PLAAT1: variants seen among roughly 807,000 people sequenced by gnomAD.
The protein encoded by PLAAT1 is phospholipase A and acyltransferase 1, also known as H-REV107 protein-related protein.
A neutral mutation model predicts 16.4 loss-of-function variants in PLAAT1; 13 were observed. The observed-to-expected ratio is 0.79, with a 90% confidence interval of 0.52 to 1.26. PLAAT1 has a LOEUF of 1.26. Among genes scored for constraint, PLAAT1 ranks in the 50% most tolerant of loss-of-function variants. PLAAT1 has a pLI of 0.00. For missense variants in PLAAT1, 218 were observed against 207.8 expected (o/e 1.05, Z -0.30); for synonymous variants, 73 against 78.4 (o/e 0.93, Z 0.36).
At chr3:193,281,183 T>A, downstream of PLAAT1, 1 of 985,396 alleles carries the variant, frequency 1.0e-6, no homozygotes, top group African/African-American at 1.7e-5. Context: ...ATTTTTCATT[T>A]ACTTCATGGA....
chr3:193,246,785 C>T (rs941618872), intron 1 of PLAAT1, among the ~76,000 whole-genome samples: 1 of 152,162 alleles, frequency 6.6e-6, no homozygotes, highest in African/African-American at 2.4e-5. Context: ...TGTTAAAGAT[C>T]TTTGCATTTG....
intron 1 of PLAAT1, among the ~76,000 whole-genome samples, chr3:193,245,638 C>A (rs10804950): frequency 2.0e-5 from 3 of 152,164 alleles, no homozygotes; most frequent in Non-Finnish European, 4.4e-5. Context: ...ATGGCTAAAC[C>A]AATTTGCATT....
chr3:193,244,376 A>G (rs1715898281), intron 1 of PLAAT1, among the ~76,000 whole-genome samples: 1 of 152,106 alleles, frequency 6.6e-6, no homozygotes, highest in Non-Finnish European at 1.5e-5. Flanking sequence ...CCAGTTAATG[A>G]CAATGATGAC....
At chr3:193,257,178 C>T (rs1716406774) in intron 2 of PLAAT1, among the ~76,000 whole-genome samples, 1 of 152,128 alleles carries the variant, frequency 6.6e-6, no homozygotes, top group Non-Finnish European at 1.5e-5. Flanking sequence ...ACTGTAACTA[C>T]CTGTTACAGT....
At chr3:193,278,521 C>A (rs529445873), downstream of PLAAT1, among the ~76,000 whole-genome samples, 35 of 152,264 alleles carry the variant, frequency 2.3e-4, no homozygotes, top group African/African-American at 7.9e-4. Context: ...TCTCTGCCAC[C>A]GTACATTCAT....
At chr3:193,261,317 G>A (rs534501439) in intron 2 of PLAAT1, among the ~76,000 whole-genome samples, 47 of 151,620 alleles carry the variant, frequency 3.1e-4, no homozygotes, top group African/African-American at 1.0e-3. Context: ...GCAGTGAGCT[G>A]AGATTGGGCC....
intron 3 of PLAAT1, among the ~76,000 whole-genome samples, chr3:193,269,372 G>A (rs1048995676): frequency 4.6e-5 from 7 of 152,222 alleles, no homozygotes; most frequent in African/African-American, 1.7e-4. Context: ...TACAGGCCTA[G>A]TCTCTGCCCA....
chr3:193,260,828 C>T (rs917693968), intron 2 of PLAAT1, among the ~76,000 whole-genome samples: 4 of 152,118 alleles, frequency 2.6e-5, no homozygotes, highest in African/African-American at 7.2e-5. Context: ...CCATTTGATC[C>T]AGCAATCCTA....
intron 2 of PLAAT1, among the ~76,000 whole-genome samples, chr3:193,260,173 G>T (rs1716533299): frequency 6.6e-6 from 1 of 152,056 alleles, no homozygotes; most frequent in Admixed American, 6.6e-5. Flanking sequence ...AAAAAAACTG[G>T]ACCTCTGCCT....
chr3:193,255,270 T>C (rs1289250697), intron 1 of PLAAT1, among the ~76,000 whole-genome samples: 4 of 152,186 alleles, frequency 2.6e-5, no homozygotes, highest in African/African-American at 9.6e-5. Context: ...TTCCCCTTTT[T>C]ATCCTAAATA....
intron 2 of PLAAT1, among the ~76,000 whole-genome samples, chr3:193,260,142 T>G (rs1716529584): frequency 6.6e-6 from 1 of 152,142 alleles, no homozygotes; most frequent in Non-Finnish European, 1.5e-5. Flanking sequence ...CTGGAATAAC[T>G]GGCTAGCCAT....
At chr3:193,275,119 T>G, downstream of PLAAT1, 1 of 1,614,232 alleles carries the variant, frequency 6.2e-7, no homozygotes, top group Non-Finnish European at 8.5e-7. Context: ...TGTTCATGGC[T>G]TTCATAGCCT....
At chr3:193,259,969 TA>T (rs1186762509) in intron 2 of PLAAT1, among the ~76,000 whole-genome samples, 1 of 152,050 alleles carries the variant, frequency 6.6e-6, no homozygotes, top group Non-Finnish European at 1.5e-5. Context: ...TAGAAGGCTA[TA>T]GTAACCAAAA....
At chr3:193,244,742 G>T (rs767223406) in intron 1 of PLAAT1, among the ~76,000 whole-genome samples, 9 of 152,142 alleles carry the variant, frequency 5.9e-5, no homozygotes, top group Non-Finnish European at 1.2e-4. Context: ...GTGGTACAGA[G>T]TATCACATGG....
At chr3:193,254,454 A>G (rs1716303358) in intron 1 of PLAAT1, among the ~76,000 whole-genome samples, 1 of 152,180 alleles carries the variant, frequency 6.6e-6, no homozygotes, top group Non-Finnish European at 1.5e-5. Context: ...CCTGTTGTCA[A>G]TTAGAGATTC....
At chr3:193,277,501 A>G (rs1717275331) in intron 2 of PLAAT1, 1 of 152,294 alleles carries the variant, frequency 6.6e-6, no homozygotes, top group Admixed American at 6.5e-5. Context: ...TTTATGGCTG[A>G]CTGCGTGTGG....
intron 2 of PLAAT1, 131 bp from the exon 3 acceptor site, chr3:193,262,839 G>A: frequency 2.4e-6 from 2 of 844,536 alleles, no homozygotes; most frequent in Middle Eastern, 2.4e-4. Flanking sequence ...GAGATTAAAT[G>A]ACTTTGGTTT....
chr3:193,241,129 C>T, upstream of PLAAT1: 2 of 877,844 alleles, frequency 2.3e-6, no homozygotes, highest in Non-Finnish European at 2.7e-6. Context: ...GGCGGGCGGG[C>T]GGGCGGGCGG....
chr3:193,259,464 G>T (rs1252800876), intron 2 of PLAAT1, among the ~76,000 whole-genome samples: 1 of 152,084 alleles, frequency 6.6e-6, no homozygotes, highest in Non-Finnish European at 1.5e-5. Flanking sequence ...ATTTCATTCT[G>T]TACCTAGAAA....
Sources: allele counts gnomAD v4.1 joint callset (sites outside exome capture counted in the v4.1 genomes callset), GRCh38; gene constraint gnomAD v4.1.1; transcripts MANE v1.5; gene names NCBI Gene and HGNC (gene_info 2026-07-23, HGNC 2026-07-21).